GOLM2: variants seen among roughly 807,000 people sequenced by gnomAD.
GOLM2 encodes the protein protein GOLM2.
GOLM2 carries 26 observed loss-of-function variants against 55.9 expected under a neutral mutation model. The observed-to-expected ratio is 0.47, with a 90% confidence interval of 0.34 to 0.65. GOLM2 has a LOEUF of 0.65. Ranked by LOEUF, GOLM2 falls within the 30% of genes least tolerant of loss-of-function variation. GOLM2 has a pLI of 0.01. For missense variants in GOLM2, 486 were observed against 531.8 expected, an observed-to-expected ratio of 0.91 and a Z score of 0.85; for synonymous variants, 165 against 194.6, an observed-to-expected ratio of 0.85 and a Z score of 1.27.
At chr15:44,373,040 C>CT (rs969467048) in intron 6 of GOLM2, among the ~76,000 whole-genome samples, 8 of 152,232 alleles carry the variant, frequency 5.3e-5, no homozygotes, top group Non-Finnish European at 1.5e-5. Flanking sequence ...ACACAGAACT[C>CT]TGACATTTAT....
intron 4 of GOLM2, 124 bp downstream of exon 4, chr15:44,332,202 A>G (rs538105136): frequency 1.9e-4 from 106 of 564,588 alleles, no homozygotes; most frequent in African/African-American, 1.9e-3. Context: ...CCTAATTCCA[A>G]AAGTGATTTA....
chr15:44,306,870 C>G (rs2078840976), intron 1 of GOLM2, among the ~76,000 whole-genome samples: 1 of 152,128 alleles, frequency 6.6e-6, no homozygotes, highest in African/African-American at 2.4e-5. Context: ...GTTGTTTATT[C>G]TATTTACACA....
At chr15:44,364,658 G>A (rs1019580010) in intron 6 of GOLM2, among the ~76,000 whole-genome samples, 3 of 151,646 alleles carry the variant, frequency 2.0e-5, no homozygotes, top group Non-Finnish European at 4.4e-5. Context: ...TTACACCACT[G>A]CACTCCAGCC....
chr15:44,292,938 C>G (rs931280190), intron 1 of GOLM2, among the ~76,000 whole-genome samples: 2 of 152,110 alleles, frequency 1.3e-5, no homozygotes, highest in Non-Finnish European at 2.9e-5. Flanking sequence ...CCTCGGCCTC[C>G]CAAGTAGCTG....
intron 9 of GOLM2, 144 bp downstream of exon 9, chr15:44,403,198 T>C: frequency 1.1e-6 from 1 of 903,166 alleles, no homozygotes; most frequent in South Asian, 1.5e-5. Context: ...ATTTCGCTTT[T>C]GTTGCCCAGG....
chr15:44,335,470 A>C (rs942305243), intron 4 of GOLM2, among the ~76,000 whole-genome samples: 4 of 152,228 alleles, frequency 2.6e-5, no homozygotes, highest in African/African-American at 4.8e-5. Context: ...ATTTTTGAAC[A>C]GTAGCTTGTT....
chr15:44,317,705 C>G (rs1392169337), intron 1 of GOLM2, among the ~76,000 whole-genome samples: 1 of 152,134 alleles, frequency 6.6e-6, no homozygotes, highest in African/African-American at 2.4e-5. Flanking sequence ...CAACTGCCTA[C>G]TGAAGATCTC....
At chr15:44,318,442 C>T (rs556802893) in intron 1 of GOLM2, among the ~76,000 whole-genome samples, 2 of 152,364 alleles carry the variant, frequency 1.3e-5, no homozygotes, top group African/African-American at 2.4e-5. Context: ...GTGTGCGTGG[C>T]TTACGCCCAT....
At chr15:44,304,529 A>G (rs556584104) in intron 1 of GOLM2, among the ~76,000 whole-genome samples, 3 of 152,114 alleles carry the variant, frequency 2.0e-5, no homozygotes, top group Non-Finnish European at 4.4e-5. Context: ...GGCATAAGCC[A>G]TCGCTCCCAG....
chr15:44,324,828 G>T (rs1164284595), intron 2 of GOLM2, among the ~76,000 whole-genome samples: 2 of 151,892 alleles, frequency 1.3e-5, no homozygotes, highest in East Asian at 3.9e-4. Context: ...TAAACTAAGG[G>T]AGTACAGCCA....
chr15:44,391,846 T>A lies in GOLM2; in HGVS notation c.1072+10870T>A, dbSNP rs528440868. Among the ~76,000 whole-genome samples the A allele has an allele frequency of 1.1e-4, 17 of 152,226 alleles. 1 individual carries two copies. The South Asian group carries it at 3.3e-3, about 30-fold the overall frequency. ...TGGTTTCATTGATGAATTCTTTATT[T>A]TTTATTTATTTATTTATTTTTGAGA... On this transcript the variant is annotated intron_variant, in intron 8 of 9. Transcript: ENST00000299957.
chr15:44,381,031 A>C (rs1290410669), intron 8 of GOLM2, 55 bp downstream of exon 8: 32 of 1,111,668 alleles, frequency 2.9e-5, no homozygotes, highest in Non-Finnish European at 3.9e-5. Context: ...ATGTAATATG[A>C]ATTAAGGTCT....
At chr15:44,347,897 G>C in intron 6 of GOLM2, among the ~76,000 whole-genome samples, 1 of 152,200 alleles carries the variant, frequency 6.6e-6, no homozygotes, top group Non-Finnish European at 1.5e-5. Flanking sequence ...GTACCAAGTA[G>C]AGTTGTGAGA....
At chr15:44,326,860 G>A (rs573442882) in intron 2 of GOLM2, among the ~76,000 whole-genome samples, 65 of 150,902 alleles carry the variant, frequency 4.3e-4, no homozygotes, top group Non-Finnish European at 6.1e-4. Context: ...GCTTGTTGGC[G>A]AGGCTGGTCT....
At chr15:44,360,787 G>C (rs1421663789) in intron 6 of GOLM2, among the ~76,000 whole-genome samples, 2 of 152,040 alleles carry the variant, frequency 1.3e-5, no homozygotes, top group Non-Finnish European at 2.9e-5. Flanking sequence ...TTCCAAAATT[G>C]ACCACATAGT....
intron 6 of GOLM2, chr15:44,354,783 G>A: frequency 5.1e-6 from 1 of 195,060 alleles, no homozygotes; most frequent in South Asian, 1.1e-4. Flanking sequence ...AGTGGATATT[G>A]TCATCATCAG....
intron 1 of GOLM2, among the ~76,000 whole-genome samples, chr15:44,320,648 C>G (rs965325557): frequency 1.3e-5 from 2 of 151,972 alleles, no homozygotes; most frequent in Non-Finnish European, 2.9e-5. Context: ...ACCCAGGACT[C>G]GGGGGGGTGA....
rs1416511801 is a variant in GOLM2 at position 44,343,198 on chromosome 15, TGGTG to T, written c.802+4884_802+4887del. On this transcript the variant is annotated intron_variant, in intron 6 of 9. Transcript: ENST00000299957. ...AAATACAAAAATTAGCTGGGTGTGGTGGTGGGCACCTGTAATCCCAGCTACTCGG... is the reference window on the plus strand; with the variant it reads ...AAATACAAAAATTAGCTGGGTGTGGTGGCACCTGTAATCCCAGCTACTCGG... 3.3e-5 allele frequency among the ~76,000 whole-genome samples: 5 copies of T among 151,574 alleles called. No homozygotes were observed. In the South Asian group the frequency reaches 1.0e-3, roughly 32 times the overall value.
At chr15:44,300,832 C>G (rs2078792673) in intron 1 of GOLM2, among the ~76,000 whole-genome samples, 2 of 152,202 alleles carry the variant, frequency 1.3e-5, no homozygotes, top group Admixed American at 1.3e-4. Flanking sequence ...TTCAGTTTCT[C>G]ACAGTGCTTC....
Sources: gnomAD v4.1 joint callset for allele counts (sites outside exome capture counted in the v4.1 genomes callset) on GRCh38, gnomAD v4.1.1 for gene constraint, MANE v1.5 for transcripts, NCBI Gene and HGNC (gene_info 2026-07-23, HGNC 2026-07-21) for gene names.